TRAPPC11: variants seen among roughly 807,000 people sequenced by gnomAD.
TRAPPC11 encodes the protein foie gras homolog.
A neutral mutation model predicts 151.2 loss-of-function variants in TRAPPC11; 104 were observed. The observed-to-expected ratio is 0.69, with a 90% CI of 0.59 to 0.81. The LOEUF (loss-of-function observed/expected upper bound fraction) is 0.81, where lower values mean the gene tolerates loss of function less well. TRAPPC11 is among the 30% of genes least tolerant of loss of function. The pLI is 0.00. For missense variants in TRAPPC11, 1,230 were observed against 1,349.6 expected, an observed-to-expected ratio of 0.91 and a Z score of 1.39; for synonymous variants, 456 against 472.3, an observed-to-expected ratio of 0.97 and a Z score of 0.45.
At chr4:183,660,053 GTA>G (rs1734393102) in intron 1 of TRAPPC11, among the ~76,000 whole-genome samples, 1 of 152,124 alleles carries the variant, frequency 6.6e-6, no homozygotes, top group East Asian at 1.9e-4. Flanking sequence ...CTCCTTTCGT[GTA>G]TAGTTTCGTT....
chr4:183,693,106 T>G lies in TRAPPC11; in HGVS notation c.2196T>G (p.Asn732Lys), dbSNP rs375844076. The change falls in exon 20 of 30, where the codon AAT (asparagine) becomes AAG (lysine). Residue 732 changes from asparagine (N) to lysine (K), a missense_variant. Transcript: ENST00000334690. ...AAAGGCGACCTAAGCTACCTGACAA[T>G]GAAGTTCACTGGGACAGCATTATAA... ...SFKRRPKLPD[N>K]EVHWDSIIIQ... is the part of the protein sequence containing the mutation. 1 of 1,612,036 alleles carries G rather than the reference T, an allele frequency of 6.2e-7. No homozygotes were observed. The highest frequency in any genetic ancestry group is 8.5e-7 in the Non-Finnish European group (1 of 1,178,706).
chr4:183,682,698 A>G (rs1464218626), intron 10 of TRAPPC11, 34 bp from the exon 11 acceptor site: 1 of 1,491,192 alleles, frequency 6.7e-7, no homozygotes, highest in South Asian at 1.2e-5. Context: ...TGAGTTCCAT[A>G]AACTATTATT....
At chr4:183,698,677 C>T (rs1736662556) in intron 25 of TRAPPC11, among the ~76,000 whole-genome samples, 1 of 152,146 alleles carries the variant, frequency 6.6e-6, no homozygotes. Flanking sequence ...GTTATTTGTC[C>T]ATTCTTGCTG....
chr4:183,701,862 C>A, intron 26 of TRAPPC11, 54 bp downstream of exon 26: 1 of 1,139,190 alleles, frequency 8.8e-7, no homozygotes, highest in Non-Finnish European at 1.3e-6. Flanking sequence ...ATTCTCATAC[C>A]TTTATTATTC....
intron 3 of TRAPPC11, 54 bp downstream of exon 3, chr4:183,666,480 A>G: frequency 1.3e-6 from 2 of 1,559,028 alleles, no homozygotes; most frequent in Non-Finnish European, 1.7e-6. Context: ...TGTGTTATTC[A>G]CTAACATTCC....
intron 5 of TRAPPC11, among the ~76,000 whole-genome samples, chr4:183,671,182 A>G (rs1349360088): frequency 2.0e-5 from 3 of 152,118 alleles, no homozygotes; most frequent in Admixed American, 2.0e-4. Context: ...GCGGTTTTCT[A>G]ATTAGTTTAA....
In TRAPPC11 at chr4:183,684,215, G is replaced by A; in HGVS notation, c.1358G>A (p.Ser453Asn). 1 of 1,613,942 alleles carries A rather than the reference G, an allele frequency of 6.2e-7. No homozygotes were observed. The highest frequency in any genetic ancestry group is 2.2e-5 in the East Asian group (1 of 44,840). Residue 453 changes from serine to asparagine, a missense_variant, in exon 13 of 30, where the codon AGT becomes AAT. Coordinates refer to ENST00000334690, the MANE Select transcript of TRAPPC11 (RefSeq NM_021942.6). ...AAGTATAAGTGCCCGCGAATGAAAA[G>A]TCACCTAAGTATGTATCCACAAACG... Reference protein sequence around the residue: ...FKKYKCPRMKSHLMVQMGEEY... With the variant: ...FKKYKCPRMKNHLMVQMGEEY...
Position 183,694,655 on chromosome 4 carries a change from C to A in TRAPPC11, c.2560C>A (p.Leu854Ile), listed in dbSNP as rs771646323. Residue 854 changes from leucine to isoleucine, a missense_variant, in exon 23 of 30, where the codon CTT becomes ATT. Transcript: ENST00000334690. ...RCGTVGSRMF[L>I]VYVSYLINTT... ...TGGAACAGTGGGTTCCAGAATGTTT[C>A]TTGTATATGTTTCTTACCTGATAAA... 8.1e-6 allele frequency: 13 copies of A among 1,611,948 alleles called. No individual in the cohort carries two copies. The highest frequency in any genetic ancestry group is 1.1e-5 in the Non-Finnish European group (13 of 1,179,376).
At chr4:183,687,056 C>CA (rs1269354818) in intron 18 of TRAPPC11, among the ~76,000 whole-genome samples, 2 of 152,088 alleles carry the variant, frequency 1.3e-5, no homozygotes, top group African/African-American at 4.8e-5. Context: ...TGGCACGTGC[C>CA]TGTAGTCCCA....
chr4:183,674,325 C>G (rs992703519), intron 5 of TRAPPC11, among the ~76,000 whole-genome samples: 3 of 146,228 alleles, frequency 2.1e-5, no homozygotes, highest in African/African-American at 7.6e-5. Context: ...GGCTGAGACA[C>G]AGGAATCGCT....
chr4:183,705,113 T>G (rs893891721), intron 27 of TRAPPC11, 43 bp downstream of exon 27: 1 of 1,316,990 alleles, frequency 7.6e-7, no homozygotes, highest in Non-Finnish European at 1.1e-6. Flanking sequence ...GACCCAATAA[T>G]AATAGTTATT....
intron 28 of TRAPPC11, 40 bp downstream of exon 28, chr4:183,706,980 G>C: frequency 6.2e-7 from 1 of 1,602,848 alleles, no homozygotes; most frequent in Non-Finnish European, 8.5e-7. Flanking sequence ...TGACACAAAA[G>C]TGTGCCAGGA....
chr4:183,686,860 A>G, intron 18 of TRAPPC11, 112 bp downstream of exon 18: 3 of 1,309,920 alleles, frequency 2.3e-6, no homozygotes. Flanking sequence ...ATAGTAACAA[A>G]TGAACTTTGG....
intron 22 of TRAPPC11, 44 bp from the exon 23 acceptor site, chr4:183,694,560 A>G (rs1016396206): frequency 1.9e-6 from 3 of 1,566,226 alleles, no homozygotes; most frequent in Non-Finnish European, 2.6e-6. Flanking sequence ...TCAAGAAGAA[A>G]TGTCTGTAAT....
intron 4 of TRAPPC11, 117 bp downstream of exon 4, chr4:183,667,247 AT>A (rs1202054927): frequency 2.8e-6 from 2 of 722,118 alleles, no homozygotes; most frequent in Admixed American, 2.4e-5. Context: ...GGCTGATAGT[AT>A]GTTAACTTTA....
At chr4:183,681,459 G>A (rs964893554) in intron 10 of TRAPPC11, among the ~76,000 whole-genome samples, 1 of 152,160 alleles carries the variant, frequency 6.6e-6, no homozygotes, top group Admixed American at 6.5e-5. Context: ...GTAAGGAACT[G>A]GGCATTAATA....
intron 1 of TRAPPC11, among the ~76,000 whole-genome samples, chr4:183,661,361 C>CTTTTTT (rs139201416): frequency 8.1e-4 from 64 of 79,426 alleles, no homozygotes; most frequent in Non-Finnish European, 9.6e-4. Flanking sequence ...TGTAGATTAC[C>CTTTTTT]TTTTTTTTTT....
At chr4:183,678,027 C>T (rs1364487669) in intron 8 of TRAPPC11, among the ~76,000 whole-genome samples, 1 of 151,078 alleles carries the variant, frequency 6.6e-6, no homozygotes, top group East Asian at 1.9e-4. Context: ...GAACCTCTGC[C>T]TCCTGGGTTC....
intron 26 of TRAPPC11, among the ~76,000 whole-genome samples, chr4:183,702,916 A>G (rs1389656120): frequency 6.6e-6 from 1 of 152,220 alleles, no homozygotes; most frequent in Non-Finnish European, 1.5e-5. Flanking sequence ...GAGTAGGAAG[A>G]TCTGAATGTT....
Sources: gnomAD v4.1 joint callset for allele counts (sites outside exome capture counted in the v4.1 genomes callset) on GRCh38, gnomAD v4.1.1 for gene constraint, MANE v1.5 for transcripts, NCBI Gene and HGNC (gene_info 2026-07-23, HGNC 2026-07-21) for gene names.